The following TENT4A variants were observed in gnomAD, a reference collection of about 807,000 sequenced individuals.
The protein encoded by TENT4A is terminal nucleotidyltransferase 4A, also known as DNA polymerase kappa.
Under a neutral mutation model 72.8 loss-of-function variants are expected in TENT4A, and 7 were observed. The observed-to-expected ratio is 0.10, with a 90% CI of 0.05 to 0.18. The LOEUF (loss-of-function observed/expected upper bound fraction) is 0.18. TENT4A is among the 10% of genes least tolerant of loss of function. The pLI is 1.00. For synonymous variants in TENT4A, 456 were observed against 434.3 expected, an observed-to-expected ratio of 1.05 and a Z score of -0.62; for missense variants, 831 against 1,017.7, an observed-to-expected ratio of 0.82 and a Z score of 2.50.
chr5:6,741,719 A>G (rs1009320193), intron 4 of TENT4A, among the ~76,000 whole-genome samples: 9 of 152,218 alleles, frequency 5.9e-5, no homozygotes, highest in African/African-American at 1.9e-4. Flanking sequence ...TAAAGCCCAG[A>G]ATAGGTGTGT....
rs935057214 is a variant in TENT4A at position 6,756,507 on chromosome 5, G to T, written c.*1562G>T. 5.9e-5 allele frequency: 9 copies of T among 152,346 alleles called. No homozygotes were observed. The highest frequency in any genetic ancestry group is 1.9e-4 in the African/African-American group (8 of 41,448). The allele number at this position is 152,346 out of a possible 1,614,324, so 9.4% of individuals were successfully genotyped here. The stretch of plus-strand genomic sequence containing the variant: ...CTGAATGTGATCGACGCCCAGCAAG[G>T]ACAAGCTTTAAAATGTCTGCGGTCT... On this transcript the variant is annotated 3_prime_UTR_variant, in exon 13 of 13. Transcript: ENST00000230859.
In TENT4A at chr5:6,751,391, C is replaced by T. The variant is rs1386887201; in HGVS notation, c.2019+194C>T. 1.8e-5 allele frequency: 11 copies of T among 596,388 alleles called. No individual in the cohort carries two copies. In the Middle Eastern group the frequency reaches 1.4e-3, roughly 74 times the overall value. The allele number at this position is 596,388 out of a possible 1,614,324, so 36.9% of individuals were successfully genotyped here. On this transcript the variant is annotated intron_variant, in intron 11 of 12. Transcript: ENST00000230859. ...GGTCCCCCATGTATAGTTTCAGCAG[C>T]GAGGACACTGTGGTTCTTGAGTGCT...
At chr5:6,754,689 C>G in intron 12 of TENT4A, 62 bp from the exon 13 acceptor site, 3 of 1,377,380 alleles carry the variant, frequency 2.2e-6, no homozygotes, top group Non-Finnish European at 3.0e-6. Flanking sequence ...GGTCACTGCC[C>G]GAGGACGTGG....
chr5:6,739,937 T>C, intron 4 of TENT4A, 85 bp downstream of exon 4: 1 of 1,336,886 alleles, frequency 7.5e-7, no homozygotes, highest in Non-Finnish European at 1.1e-6. Context: ...CGTCACGAGC[T>C]TGTGGTATTT....
chr5:6,741,588 G>T (rs1272808028), intron 4 of TENT4A, among the ~76,000 whole-genome samples: 1 of 152,210 alleles, frequency 6.6e-6, no homozygotes, highest in Non-Finnish European at 1.5e-5. Context: ...GCCTTCTTAA[G>T]AACATACTGG....
At chr5:6,723,941 T>G (rs1029812908) in intron 1 of TENT4A, among the ~76,000 whole-genome samples, 3 of 152,080 alleles carry the variant, frequency 2.0e-5, no homozygotes, top group African/African-American at 7.2e-5. Context: ...CTATGAAGAG[T>G]GGAGCATCTG....
chr5:6,746,316 G>A lies in TENT4A; in HGVS notation c.1348G>A (p.Gly450Ser), dbSNP rs766051766. 6 of 1,614,112 alleles carry A rather than the reference G, an allele frequency of 3.7e-6. No homozygotes were observed. The highest frequency in any genetic ancestry group is 1.7e-5 in the Admixed American group (1 of 60,016). The change falls in exon 7 of 13, where the codon GGT becomes AGT. Residue 450 changes from glycine (G) to serine (S), a missense_variant. Gly to Ser is a moderately conservative substitution (Grantham distance 56, BLOSUM62 0). Transcript: ENST00000230859. ...GAGAAATTTTAATTACTTGAAAACC[G>A]GTATTAGAATCAAAGAAGGAGGTGC... ...YGRNFNYLKTGIRIKEGGAYI... is the reference protein window; with the variant it reads ...YGRNFNYLKTSIRIKEGGAYI...
intron 1 of TENT4A, among the ~76,000 whole-genome samples, chr5:6,720,988 C>T (rs540101727): frequency 1.7e-3 from 253 of 152,314 alleles, no homozygotes; most frequent in Middle Eastern, 6.8e-3. Flanking sequence ...CTTCAGAGCA[C>T]TGTGCCTCCT....
intron 12 of TENT4A, among the ~76,000 whole-genome samples, chr5:6,754,106 C>T (rs1459748841): frequency 1.3e-5 from 2 of 152,228 alleles, no homozygotes; most frequent in Non-Finnish European, 2.9e-5. Flanking sequence ...GGTCCTGGCA[C>T]GTGTGACTTG....
intron 1 of TENT4A, among the ~76,000 whole-genome samples, chr5:6,726,211 T>A (rs1740911125): frequency 6.6e-6 from 1 of 152,126 alleles, no homozygotes; most frequent in African/African-American, 2.4e-5. Flanking sequence ...GACAGCACCA[T>A]GTAGGGGGAG....
chr5:6,739,972 G>T, intron 4 of TENT4A, 120 bp downstream of exon 4: 1 of 970,524 alleles, frequency 1.0e-6, no homozygotes, highest in South Asian at 1.7e-5. Flanking sequence ...CTACAGTTTT[G>T]AAGATTAATC....
chr5:6,743,462 G>A (rs764211002), intron 5 of TENT4A, among the ~76,000 whole-genome samples: 4 of 152,092 alleles, frequency 2.6e-5, no homozygotes, highest in South Asian at 2.1e-4. Context: ...CTGTGGACTC[G>A]TCATGGTAGG....
intron 1 of TENT4A, among the ~76,000 whole-genome samples, chr5:6,731,059 G>C (rs919209696): frequency 6.6e-6 from 1 of 152,178 alleles, no homozygotes; most frequent in Non-Finnish European, 1.5e-5. Context: ...TGTTGTTTTG[G>C]TGTAATCGTA....
At chr5:6,727,032 C>T (rs1272116613) in intron 1 of TENT4A, among the ~76,000 whole-genome samples, 1 of 152,132 alleles carries the variant, frequency 6.6e-6, no homozygotes, top group Admixed American at 6.5e-5. Context: ...GCTCACCACC[C>T]TAGTGCAGTT....
intron 1 of TENT4A, among the ~76,000 whole-genome samples, chr5:6,717,218 T>C (rs1221284123): frequency 6.6e-6 from 1 of 152,244 alleles, no homozygotes; most frequent in Non-Finnish European, 1.5e-5. Flanking sequence ...AAAAAGTCTT[T>C]CGGTTGTGGC....
chr5:6,724,377 A>T (rs1430509142), intron 1 of TENT4A, among the ~76,000 whole-genome samples: 1 of 152,276 alleles, frequency 6.6e-6, no homozygotes, highest in Non-Finnish European at 1.5e-5. Flanking sequence ...CAACGATGAA[A>T]TGATGGCCAA....
Position 6,714,718 on chromosome 5 carries a change from C to A in TENT4A, c.716+19C>A, listed in dbSNP as rs936675334. The A allele has an allele frequency of 8.5e-7, 1 of 1,172,096 alleles. No homozygotes were observed. The highest frequency in any genetic ancestry group is 1.1e-6 in the Non-Finnish European group (1 of 945,596). The allele number at this position is 1,172,096 out of a possible 1,614,324, so 72.6% of individuals were successfully genotyped here. A position where few individuals can be genotyped will look rare whatever the true frequency, so the allele number is the denominator to read the frequency against. ...TCCAGGGGTGAGTGCGCGGGGAGGC[C>A]GCGGGGGCGGGGGCGGGGCCCATGG... On this transcript the variant is annotated intron_variant, in intron 1 of 12. Coordinates refer to ENST00000230859, the MANE Select transcript of TENT4A (RefSeq NM_006999.6).
intron 1 of TENT4A, among the ~76,000 whole-genome samples, chr5:6,716,345 A>T (rs1740387254): frequency 6.6e-6 from 1 of 152,192 alleles, no homozygotes. Flanking sequence ...TGCCTAGAGC[A>T]CAAGAGTACC....
chr5:6,720,987 A>G (rs1210126462), intron 1 of TENT4A, among the ~76,000 whole-genome samples: 1 of 152,154 alleles, frequency 6.6e-6, no homozygotes, highest in African/African-American at 2.4e-5. Flanking sequence ...GCTTCAGAGC[A>G]CTGTGCCTCC....
Sources: gnomAD v4.1 joint callset for allele counts (sites outside exome capture counted in the v4.1 genomes callset) on GRCh38, gnomAD v4.1.1 for gene constraint, MANE v1.5 for transcripts, NCBI Gene and HGNC (gene_info 2026-07-23, HGNC 2026-07-21) for gene names.